The following SHC2 variants were observed in gnomAD, a reference collection of about 807,000 sequenced individuals.
The protein encoded by SHC2 is SHC adaptor protein 2.
Under a neutral mutation model 60.6 loss-of-function variants are expected in SHC2, and 62 were observed. That is an observed-to-expected ratio of 1.02 (90% CI 0.83 to 1.26). The LOEUF (loss-of-function observed/expected upper bound fraction) is 1.26. SHC2 is among the 50% of genes most tolerant of loss of function. The pLI is 0.00. For synonymous variants in SHC2, 375 were observed against 372.4 expected (o/e 1.01, Z -0.08); for missense variants, 873 against 822.2 (o/e 1.06, Z -0.76).
At chr19:451,887 G>A (rs540468236) in intron 1 of SHC2, among the ~76,000 whole-genome samples, 11 of 152,178 alleles carry the variant, frequency 7.2e-5, no homozygotes, top group East Asian at 1.9e-4. Flanking sequence ...ATGAGCCTCC[G>A]TGCCTGGCAG....
chr19:418,578 T>C (rs1974203447), intron 12 of SHC2, among the ~76,000 whole-genome samples: 2 of 152,092 alleles, frequency 1.3e-5, no homozygotes, highest in African/African-American at 2.4e-5. Context: ...CTGGAGGACG[T>C]CACGCTCAGT....
At position 460,884 on chromosome 19, in the gene SHC2, G is replaced by A. The variant is rs1184363507; in HGVS notation, c.113C>T (p.Ala38Val). The change falls in exon 1 of 13, where the codon GCG becomes GTG. Residue 38 changes from alanine (A) to valine (V), a missense_variant. Transcript: ENST00000264554. The stretch of plus-strand genomic sequence containing the variant: ...GCGGCCCAGGAAGCCGCCCGGGGCC[G>A]CGAACTTCCACTGCGGCATTCGGGG... ...LLPRMPQWKFAAPGGFLGRGP... is the reference protein window; with the variant it reads ...LLPRMPQWKFVAPGGFLGRGP... 3 of 990,120 alleles carry A rather than the reference G, an allele frequency of 3.0e-6. No homozygotes were observed. Among genetic ancestry groups the A allele is most frequent in the African/African-American group, 1.8e-5 (1 of 56,806 alleles). The allele number at this position is 990,120 out of a possible 1,614,324, so 61.3% of individuals were successfully genotyped here.
chr19:460,358 G>C (rs1226238112), intron 1 of SHC2, among the ~76,000 whole-genome samples, 171 bp downstream of exon 1: 2 of 151,980 alleles, frequency 1.3e-5, no homozygotes, highest in Non-Finnish European at 2.9e-5. Flanking sequence ...CAGCGCCTCC[G>C]GGTGGGGGCA....
chr19:460,136 G>A (rs1426428789), intron 1 of SHC2, among the ~76,000 whole-genome samples: 1 of 152,144 alleles, frequency 6.6e-6, no homozygotes, highest in Non-Finnish European at 1.5e-5. Context: ...ACCCCTTCCC[G>A]CACCCCCACC....
chr19:419,318 C>G, intron 11 of SHC2: 1 of 438,750 alleles, frequency 2.3e-6, no homozygotes, highest in Non-Finnish European at 4.1e-6. Context: ...AAGATGCGGC[C>G]AGGTCCCAGC....
chr19:444,137 T>C (rs1055827486), intron 1 of SHC2, among the ~76,000 whole-genome samples: 1 of 149,470 alleles, frequency 6.7e-6, no homozygotes, highest in African/African-American at 2.5e-5. Flanking sequence ...GATGGGTGGA[T>C]TGGTGGGTGG....
chr19:438,801 T>C lies in SHC2; in HGVS notation c.637A>G (p.Ser213Gly). ...NKALASVLGK[S>G]NLRFAGMSIS... is the part of the protein sequence containing the mutation. ...CTCATGCCGGCAAAGCGAAGGTTGCTCTTGCCCAGGACGGACGCCAGGGCC... is the reference window on the plus strand; with the variant it reads ...CTCATGCCGGCAAAGCGAAGGTTGCCCTTGCCCAGGACGGACGCCAGGGCC... The change falls in exon 4 of 13, where the codon AGC becomes GGC. Residue 213 changes from serine to glycine, a missense_variant. Transcript: ENST00000264554. The surrounding 1 kb of genome is among the most constrained non-coding windows in gnomAD (Gnocchi z 5.0). 6.3e-7 allele frequency: 1 copy of C among 1,575,442 alleles called. No individual in the cohort carries two copies. Among genetic ancestry groups the C allele is most frequent in the Non-Finnish European group, 8.6e-7 (1 of 1,161,808 alleles).
At chr19:420,274 C>A (rs1974236555) in intron 11 of SHC2, among the ~76,000 whole-genome samples, 2 of 152,188 alleles carry the variant, frequency 1.3e-5, no homozygotes, top group African/African-American at 4.8e-5. Flanking sequence ...TCGCCCAAGC[C>A]CTGCCCCCTC....
In SHC2 at chr19:438,871, G is replaced by C; in HGVS notation, c.601-34C>G. 6.4e-7 allele frequency: 1 copy of C among 1,555,848 alleles called. No homozygotes were observed. The highest frequency in any genetic ancestry group is 8.7e-7 in the Non-Finnish European group (1 of 1,150,184). Reference sequence around the variant, plus strand: ...GGGGCGGAGCACAGCGAGGGCGGCTGTGGGTGGGGGCTGTCGAGGGGCTCC... The same window carrying C: ...GGGGCGGAGCACAGCGAGGGCGGCTCTGGGTGGGGGCTGTCGAGGGGCTCC... On this transcript the variant is annotated intron_variant, in intron 3 of 12. Coordinates refer to ENST00000264554, the MANE Select transcript of SHC2 (RefSeq NM_012435.3). The surrounding 1 kb of genome is among the most constrained non-coding windows in gnomAD (Gnocchi z 5.0).
chr19:458,433 G>A (rs1471663644), intron 1 of SHC2, among the ~76,000 whole-genome samples: 3 of 128,956 alleles, frequency 2.3e-5, no homozygotes, highest in African/African-American at 5.7e-5. Flanking sequence ...AGGCAGAAGC[G>A]GGTCTTGGGG....
rs1182258329 is a variant in SHC2 at position 416,896 on chromosome 19, G to A, written c.*432C>T. On this transcript the variant is annotated 3_prime_UTR_variant, in exon 13 of 13. Coordinates refer to ENST00000264554, the MANE Select transcript of SHC2 (RefSeq NM_012435.3). ...CCCCTCAAAGACAACTGTGCACCCA[G>A]TCCTCAGGTGGGAAGAGGAAGCCCA... The A allele has an allele frequency of 6.5e-6, 1 of 152,812 alleles. No individual in the cohort carries two copies. The highest frequency in any genetic ancestry group is 2.4e-5 in the African/African-American group (1 of 41,434). The allele number at this position is 152,812 out of a possible 1,614,324, so 9.5% of individuals were successfully genotyped here.
chr19:447,616 TA>T (rs1255854113), intron 1 of SHC2, among the ~76,000 whole-genome samples: 1 of 152,028 alleles, frequency 6.6e-6, no homozygotes, highest in Non-Finnish European at 1.5e-5. Context: ...CCGTCTCTAC[TA>T]AAAATACAAG....
intron 9 of SHC2, among the ~76,000 whole-genome samples, chr19:429,040 C>G (rs1023161673): frequency 6.7e-6 from 1 of 149,100 alleles, no homozygotes; most frequent in Admixed American, 6.7e-5. Context: ...GTGTGGATGA[C>G]GCAGTACCTA....
Position 438,762 on chromosome 19 carries a change from T to C in SHC2, c.676A>G (p.Ile226Val), listed in dbSNP as rs749364652. The change falls in exon 4 of 13, where the codon ATC becomes GTC. Residue 226 changes from isoleucine to valine, a missense_variant. Transcript: ENST00000264554. The surrounding 1 kb of genome is among the most constrained non-coding windows in gnomAD (Gnocchi z 5.0). Reference protein sequence around the residue: ...RFAGMSISIHISTDGLSLSVP... With the variant: ...RFAGMSISIHVSTDGLSLSVP... ...GAGAGGCTGAGGCCATCAGTGGAGATGTGGATGGAGATGCTCATGCCGGCA... is the reference window on the plus strand; with the variant it reads ...GAGAGGCTGAGGCCATCAGTGGAGACGTGGATGGAGATGCTCATGCCGGCA... The C allele has an allele frequency of 6.4e-7, 1 of 1,573,624 alleles. No homozygotes were observed. Among genetic ancestry groups the C allele is most frequent in the Admixed American group, 1.9e-5 (1 of 53,956 alleles).
chr19:429,935 A>AT (rs1974530705), intron 9 of SHC2, among the ~76,000 whole-genome samples: 3 of 145,264 alleles, frequency 2.1e-5, no homozygotes, highest in Admixed American at 6.9e-5. Context: ...CAGTATCTAC[A>AT]CCCAACGTGC....
rs527396179 is a variant in SHC2 at position 418,148 on chromosome 19, G to A, written c.*5+775C>T. ...CCCCGGGCCCCGCACCAAAAGTGGA[G>A]GCCTGGGGCTCCTTGGCCCGGCCTG... On this transcript the variant is annotated intron_variant, in intron 12 of 12. Transcript: ENST00000264554. Among the ~76,000 whole-genome samples, 7 of 152,238 alleles carry A rather than the reference G, an allele frequency of 4.6e-5. No individual in the cohort carries two copies. In the South Asian group the frequency reaches 1.5e-3, roughly 32 times the overall value.
intron 1 of SHC2, among the ~76,000 whole-genome samples, chr19:449,124 T>C (rs1209606596): frequency 2.6e-5 from 4 of 151,636 alleles, no homozygotes; most frequent in African/African-American, 9.7e-5. Context: ...GCCGAGATGG[T>C]GCCACTGCAC....
rs1359889566 is a variant in SHC2, at chr19:438,080, T to C, written c.720+638A>G. 6.6e-6 allele frequency among the ~76,000 whole-genome samples: 1 copy of C among 152,128 alleles called. No individual in the cohort carries two copies. Among genetic ancestry groups the C allele is most frequent in the Non-Finnish European group, 1.5e-5 (1 of 68,028 alleles). On this transcript the variant is annotated intron_variant, in intron 4 of 12. Coordinates refer to ENST00000264554, the MANE Select transcript of SHC2 (RefSeq NM_012435.3). The surrounding 1 kb of genome is among the most constrained non-coding windows in gnomAD (Gnocchi z 5.0). Reference sequence around the variant, plus strand: ...GCTCACTGCAACCTCCACTCCCAGGTTCAAGCGATTCTCCTGCCTCAGCCT... The same window carrying C: ...GCTCACTGCAACCTCCACTCCCAGGCTCAAGCGATTCTCCTGCCTCAGCCT...
rs904918644 is a variant in SHC2, at chr19:453,654, G to A, written c.468+6875C>T. ...GCCACACCTGACCCCTCGCCTTCAA[G>A]GAAAAGCTGCATTTGGAGCTGAACC... On this transcript the variant is annotated intron_variant, in intron 1 of 12. Transcript: ENST00000264554. This position sits in a 1 kb window ranked among gnomAD's most constrained non-coding sequence, Gnocchi z 6.3. Among the ~76,000 whole-genome samples the A allele has an allele frequency of 1.3e-5, 2 of 152,142 alleles. No homozygotes were observed. Among genetic ancestry groups the A allele is most frequent in the African/African-American group, 4.8e-5 (2 of 41,432 alleles).
Sources: gnomAD v4.1 joint callset for allele counts (sites outside exome capture counted in the v4.1 genomes callset) on GRCh38, gnomAD v4.1.1 for gene constraint, Gnocchi (gnomAD v3.1) non-coding constraint, MANE v1.5 for transcripts, NCBI Gene and HGNC (gene_info 2026-07-23, HGNC 2026-07-21) for gene names.